Variants in ZC3H12B observed in about 807,000 individuals in gnomAD.
The protein encoded by ZC3H12B is zinc finger CCCH-type containing 12B.
Under a neutral mutation model 43.9 loss-of-function variants are expected in ZC3H12B, and 7 were observed. The ratio of observed to expected loss-of-function variants is 0.16; its 90% confidence interval spans 0.09 to 0.30. ZC3H12B has a LOEUF of 0.30. Among genes scored for constraint, ZC3H12B ranks in the 10% least tolerant of loss-of-function variants. The pLI, the probability that ZC3H12B is intolerant of heterozygous loss-of-function variation, is 1.00. For missense variants in ZC3H12B, 475 were observed against 670.2 expected, an observed-to-expected ratio of 0.71 and a Z score of 3.22; for synonymous variants, 222 against 241.7, an observed-to-expected ratio of 0.92 and a Z score of 0.76.
At chrX:65,442,875 G>T (rs372436429) in intron 3 of ZC3H12B, among the ~76,000 whole-genome samples, 2 of 111,556 alleles carry the variant, frequency 1.8e-5, no homozygotes, top group Admixed American at 9.5e-5. Context: ...TCACCCTCTC[G>T]TCTAGCTTGC....
the ZC3H12B span, among the ~76,000 whole-genome samples, chrX:65,315,146 T>C: frequency 9.0e-6 from 1 of 111,650 alleles, no homozygotes; most frequent in Non-Finnish European, 1.9e-5. Flanking sequence ...ATACAATTAA[T>C]TTTTATTTAA....
At chrX:65,298,029 C>G in the ZC3H12B span, among the ~76,000 whole-genome samples, 1 of 112,117 alleles carries the variant, frequency 8.9e-6, no homozygotes, top group South Asian at 3.7e-4. Context: ...TCTTCTAAGA[C>G]TGGGAACCAT....
chrX:65,396,465 T>A (rs2066699664), intron 2 of ZC3H12B, among the ~76,000 whole-genome samples: 1 of 112,343 alleles, frequency 8.9e-6, no homozygotes, highest in Non-Finnish European at 1.9e-5. Flanking sequence ...AAGCAGGTTG[T>A]TCAGTTTCCA....
At chrX:65,150,155 C>G in the ZC3H12B span, among the ~76,000 whole-genome samples, 1 of 110,513 alleles carries the variant, frequency 9.0e-6, no homozygotes, top group Non-Finnish European at 1.9e-5. Flanking sequence ...TTTCCTATTG[C>G]TACGGTTTTA....
At chrX:65,129,186 A>G in the ZC3H12B span, among the ~76,000 whole-genome samples, 3 of 107,761 alleles carry the variant, frequency 2.8e-5, no homozygotes, top group Non-Finnish European at 3.8e-5. Flanking sequence ...ATATATCTAT[A>G]GTGTTTTTTG....
intron 3 of ZC3H12B, among the ~76,000 whole-genome samples, chrX:65,406,192 A>C (rs747386086): frequency 9.0e-6 from 1 of 110,826 alleles, no homozygotes; most frequent in African/African-American, 3.3e-5. Flanking sequence ...ACAACAAAAA[A>C]AGAAAACTAC....
intron 3 of ZC3H12B, among the ~76,000 whole-genome samples, chrX:65,461,846 T>TA (rs938503096): frequency 5.6e-5 from 6 of 107,619 alleles, no homozygotes; most frequent in Admixed American, 2.0e-4. Context: ...AAAAGCATAA[T>TA]AAAAAAAATA....
chrX:65,118,599 G>A, the ZC3H12B span, among the ~76,000 whole-genome samples: 1 of 111,018 alleles, frequency 9.0e-6, no homozygotes, highest in South Asian at 3.8e-4. Context: ...CCAACACTAT[G>A]TTGAATAAGA....
chrX:65,409,157 GAAAT>G (rs779920479), intron 3 of ZC3H12B, among the ~76,000 whole-genome samples: 1 of 110,370 alleles, frequency 9.1e-6, no homozygotes, highest in South Asian at 3.8e-4. Flanking sequence ...ATTCTGTCAA[GAAAT>G]AAAAAAATAG....
chrX:65,258,197 C>A, the ZC3H12B span, among the ~76,000 whole-genome samples: 34 of 111,434 alleles, frequency 3.1e-4, no homozygotes, highest in Non-Finnish European at 5.7e-4. Context: ...TACAATCAAG[C>A]ACATCAAAAA....
At chrX:65,161,521 C>T in the ZC3H12B span, among the ~76,000 whole-genome samples, 1 of 111,597 alleles carries the variant, frequency 9.0e-6, no homozygotes, top group South Asian at 3.8e-4. Flanking sequence ...ATGTAATGGC[C>T]TTCTTTGTCT....
intron 3 of ZC3H12B, among the ~76,000 whole-genome samples, chrX:65,426,409 A>G (rs1024763339): frequency 4.7e-5 from 5 of 105,954 alleles, no homozygotes; most frequent in African/African-American, 1.7e-4. Context: ...AAAAAAAAAA[A>G]AAAAAAACAC....
chrX:65,177,825 A>G, the ZC3H12B span, among the ~76,000 whole-genome samples: 4 of 112,517 alleles, frequency 3.6e-5, no homozygotes, highest in Non-Finnish European at 7.5e-5. Flanking sequence ...GGAAGAATCA[A>G]TATCGTGAAA....
the ZC3H12B span, chrX:65,328,384 C>A: frequency 4.3e-6 from 1 of 234,181 alleles, no homozygotes; most frequent in East Asian, 1.1e-4. Context: ...ATAATGAAAC[C>A]CACATTCTTC....
At chrX:65,295,144 ATATTAAG>A in the ZC3H12B span, among the ~76,000 whole-genome samples, 1 of 111,597 alleles carries the variant, frequency 9.0e-6, no homozygotes, top group Non-Finnish European at 1.9e-5. Context: ...AATTGAAATG[ATATTAAG>A]TATTGTCAGA....
chrX:65,413,132 T>A (rs959231338), intron 3 of ZC3H12B, among the ~76,000 whole-genome samples: 10 of 111,442 alleles, frequency 9.0e-5, no homozygotes, highest in South Asian at 3.8e-4. Flanking sequence ...CCATTTTTTT[T>A]AAAAAATCGG....
At chrX:65,081,183 C>T in the ZC3H12B span, among the ~76,000 whole-genome samples, 8 of 109,640 alleles carry the variant, frequency 7.3e-5, no homozygotes, top group Non-Finnish European at 1.3e-4. Context: ...GAGAAAGTCA[C>T]CTTCAGTAAA....
the ZC3H12B span, among the ~76,000 whole-genome samples, chrX:65,265,347 T>C: frequency 8.9e-6 from 1 of 111,914 alleles, no homozygotes. Context: ...AACTGGAGTG[T>C]GCATGGTCCA....
the ZC3H12B span, among the ~76,000 whole-genome samples, chrX:65,342,184 T>C: frequency 1.8e-5 from 2 of 111,703 alleles, no homozygotes; most frequent in African/African-American, 6.5e-5. Context: ...CATTACATGA[T>C]GGTAAAGGGT....
Sources: gnomAD v4.1 joint callset for allele counts (sites outside exome capture counted in the v4.1 genomes callset) on GRCh38, gnomAD v4.1.1 for gene constraint, MANE v1.5 for transcripts, NCBI Gene and HGNC (gene_info 2026-07-23, HGNC 2026-07-21) for gene names.